Variants in CREM observed in about 807,000 individuals in gnomAD.
CREM encodes the protein cAMP-responsive element modulator.
A neutral mutation model predicts 37.3 loss-of-function variants in CREM; 13 were observed. That is an observed-to-expected ratio of 0.35 (90% CI 0.23 to 0.55). The LOEUF (loss-of-function observed/expected upper bound fraction) is 0.55, where lower values mean the gene tolerates loss of function less well. Among genes scored for constraint, CREM ranks in the 20% least tolerant of loss-of-function variants. CREM has a pLI of 0.88. For missense variants in CREM, 296 were observed against 362.3 expected (o/e 0.82, Z 1.49); for synonymous variants, 124 against 120.2 (o/e 1.03, Z -0.21).
intron 3 of CREM, among the ~76,000 whole-genome samples, chr10:35,170,155 C>T (rs1305053713): frequency 7.9e-5 from 12 of 151,906 alleles, no homozygotes; most frequent in Admixed American, 2.6e-4. Flanking sequence ...TTAGTAGAAA[C>T]GGGGTTTCAC....
intron 3 of CREM, among the ~76,000 whole-genome samples, chr10:35,160,736 A>G (rs1000851551): frequency 6.6e-6 from 1 of 152,240 alleles, no homozygotes; most frequent in African/African-American, 2.4e-5. Flanking sequence ...ACAGCTGCAT[A>G]AAAATGTTTT....
Position 35,200,485 on chromosome 10 carries a change from T to A in CREM, c.599-6410T>A, listed in dbSNP as rs150918904. Among the ~76,000 whole-genome samples the A allele has an allele frequency of 1.7e-3, 254 of 152,378 alleles. No homozygotes were observed. The Middle Eastern group carries it at 0.024, about 14-fold the overall frequency. ...AATATTTTGGTGAGTTAATTCTATG[T>A]GGTCTATGTGTTATAGTGATTGTAG... On this transcript the variant is annotated intron_variant, in intron 6 of 7. Transcript: ENST00000685392.
At position 35,179,184 on chromosome 10, in the gene CREM, A is replaced by G; in HGVS notation, c.317A>G (p.Glu106Gly). ...SSDVPGVPKI[E>G]EERSEEEGTP... Reference sequence around the variant, plus strand: ...GATGTGCCTGGTGTTCCCAAGATTGAAGAAGAGAGATCAGAGGAAGAAGGA... The same window carrying G: ...GATGTGCCTGGTGTTCCCAAGATTGGAGAAGAGAGATCAGAGGAAGAAGGA... Residue 106 changes from glutamate (E) to glycine (G), a missense_variant, in exon 5 of 8, where the codon GAA (glutamate) becomes GGA (glycine). Around this residue, in one of 2 missense-constraint regions of CREM, gnomAD observed 257 missense variants for 280.2 expected, o/e 0.92. Transcript: ENST00000685392. 1.2e-6 allele frequency: 2 copies of G among 1,613,996 alleles called. No individual in the cohort carries two copies. Among genetic ancestry groups the G allele is most frequent in the Non-Finnish European group, 1.7e-6 (2 of 1,179,934 alleles).
chr10:35,179,019 C>T, intron 4 of CREM, 33 bp downstream of exon 4: 2 of 1,568,230 alleles, frequency 1.3e-6, no homozygotes, highest in East Asian at 2.3e-5. Context: ...TGTAAAGATA[C>T]TTTTTCCAAA....
At chr10:35,141,050 G>A (rs949905554) in intron 2 of CREM, among the ~76,000 whole-genome samples, 2 of 152,154 alleles carry the variant, frequency 1.3e-5, no homozygotes, top group Non-Finnish European at 2.9e-5. Flanking sequence ...CACTTAATAC[G>A]TTCATGGTAA....
chr10:35,179,435 A>C (rs554564077), intron 5 of CREM, 159 bp downstream of exon 5: 1 of 838,104 alleles, frequency 1.2e-6, no homozygotes, highest in Non-Finnish European at 1.7e-6. Context: ...AAAAAGTGAG[A>C]TCTTTGTATT....
At chr10:35,192,256 C>A (rs2094949311) in intron 6 of CREM, among the ~76,000 whole-genome samples, 2 of 152,222 alleles carry the variant, frequency 1.3e-5, no homozygotes, top group African/African-American at 2.4e-5. Context: ...CTTCATTCCT[C>A]ACAGTGATTC....
intron 1 of CREM, among the ~76,000 whole-genome samples, chr10:35,130,759 G>C (rs932087743): frequency 6.6e-6 from 1 of 152,174 alleles, no homozygotes; most frequent in Non-Finnish European, 1.5e-5. Context: ...TATCCCATTT[G>C]GCATAGGTGT....
chr10:35,174,668 T>A (rs2093970493), intron 3 of CREM, among the ~76,000 whole-genome samples: 1 of 152,222 alleles, frequency 6.6e-6, no homozygotes, highest in Non-Finnish European at 1.5e-5. Flanking sequence ...ATTTCCAAGG[T>A]CTTTGACTCT....
At chr10:35,138,010 A>C (rs2090843562) in intron 2 of CREM, 131 bp downstream of exon 2, 10 of 542,344 alleles carry the variant, frequency 1.8e-5, no homozygotes, top group Non-Finnish European at 2.8e-5. Context: ...TATATACTCA[A>C]ATTATTCAGC....
At chr10:35,197,286 G>A (rs904164112) in intron 6 of CREM, among the ~76,000 whole-genome samples, 3 of 151,886 alleles carry the variant, frequency 2.0e-5, no homozygotes, top group Admixed American at 2.0e-4. Context: ...ACTTTAAAAT[G>A]TCAAACAACT....
chr10:35,204,323 C>G (rs2095464667), intron 6 of CREM, among the ~76,000 whole-genome samples: 1 of 152,142 alleles, frequency 6.6e-6, no homozygotes, highest in Non-Finnish European at 1.5e-5. Flanking sequence ...ACAATTAGGC[C>G]AGGCACAGTG....
At chr10:35,178,698 C>G (rs887404771) in intron 3 of CREM, among the ~76,000 whole-genome samples, 191 bp from the exon 4 acceptor site, 1 of 152,226 alleles carries the variant, frequency 6.6e-6, no homozygotes, top group African/African-American at 2.4e-5. Context: ...TGTTTTATAA[C>G]TGAAATGTTT....
intron 3 of CREM, among the ~76,000 whole-genome samples, chr10:35,176,553 G>A (rs2094098229): frequency 1.3e-5 from 2 of 151,698 alleles, no homozygotes; most frequent in African/African-American, 2.4e-5. Flanking sequence ...GACTACAGGC[G>A]CCCGCCACCA....
chr10:35,176,500 C>T (rs912683124), intron 3 of CREM, among the ~76,000 whole-genome samples: 11 of 151,468 alleles, frequency 7.3e-5, no homozygotes, highest in Admixed American at 3.3e-4. Flanking sequence ...CTCCACCTCC[C>T]GGGTTCACGC....
At chr10:35,185,708 A>G (rs534697195) in intron 5 of CREM, among the ~76,000 whole-genome samples, 2 of 152,330 alleles carry the variant, frequency 1.3e-5, no homozygotes, top group African/African-American at 2.4e-5. Context: ...AAGTGTGTAC[A>G]GAAAATAACT....
At chr10:35,195,134 CT>C (rs1236016073) in intron 6 of CREM, 1 of 1,599,906 alleles carries the variant, frequency 6.3e-7, no homozygotes, top group Non-Finnish European at 8.5e-7. Flanking sequence ...ATTTGGAACA[CT>C]TTATGTTGAA....
At chr10:35,193,742 A>G (rs1419120237) in intron 6 of CREM, among the ~76,000 whole-genome samples, 1 of 152,182 alleles carries the variant, frequency 6.6e-6, no homozygotes, top group Non-Finnish European at 1.5e-5. Context: ...ATTAAATTAA[A>G]TACAGCTAAA....
chr10:35,136,933 A>T (rs1338151584), intron 1 of CREM, among the ~76,000 whole-genome samples: 1 of 151,390 alleles, frequency 6.6e-6, no homozygotes, highest in Non-Finnish European at 1.5e-5. Flanking sequence ...TGATTCTCCC[A>T]CCTCAGCCTC....
Sources: gnomAD v4.1 joint callset for allele counts (sites outside exome capture counted in the v4.1 genomes callset) on GRCh38, gnomAD v4.1.1 for gene constraint, gnomAD v4.1.1 regional missense constraint, MANE v1.5 for transcripts, NCBI Gene and HGNC (gene_info 2026-07-23, HGNC 2026-07-21) for gene names.